Variants in LILRB4 observed in about 807,000 individuals in gnomAD.
The protein encoded by LILRB4 is leukocyte immunoglobulin like receptor B4.
LILRB4 carries 49 observed loss-of-function variants against 55.2 expected under a neutral mutation model. The ratio of observed to expected loss-of-function variants is 0.89; its 90% CI spans 0.71 to 1.13. The LOEUF (loss-of-function observed/expected upper bound fraction) is 1.13, where lower values mean the gene tolerates loss of function less well. Among genes scored for constraint, LILRB4 ranks in the 50% most tolerant of loss-of-function variants. The pLI is 0.00. For missense variants in LILRB4, 590 were observed against 555.2 expected (o/e 1.06, Z -0.63); for synonymous variants, 229 against 213.8 (o/e 1.07, Z -0.62).
rs563821571 is a variant in LILRB4, at chr19:54,665,283, C to T, written c.757+103C>T. 8.6e-5 allele frequency: 119 copies of T among 1,377,278 alleles called. No homozygotes were observed. The highest frequency in any genetic ancestry group is 1.1e-4 in the Non-Finnish European group (109 of 1,012,746). The allele number at this position is 1,377,278 out of a possible 1,614,324, so 85.3% of individuals were successfully genotyped here. A position where few individuals can be genotyped will look rare whatever the true frequency, so the allele number is the denominator to read the frequency against. The stretch of plus-strand genomic sequence containing the variant: ...CTCTGGAGGTGGTGATGTGGACAGG[C>T]CCCTCCCCTGCATGGGCCTCAGTTT... On this transcript the variant is annotated intron_variant, in intron 6 of 11. Coordinates refer to ENST00000430952, the Ensembl canonical transcript of LILRB4. The surrounding 1 kb of genome is among the most constrained non-coding windows in gnomAD (Gnocchi z 5.5).
In LILRB4 at chr19:54,666,189, G is replaced by T. The variant is rs775374465; in HGVS notation, c.875-51G>T. On this transcript the variant is annotated intron_variant, in intron 7 of 11. Coordinates refer to ENST00000430952, the Ensembl canonical transcript of LILRB4. The surrounding 1 kb of genome is among the most constrained non-coding windows in gnomAD (Gnocchi z 4.8). ...TTTCCTCTTGACTTGCATGTGCAAG[G>T]CAGGTGGTTCTAACGTTCCCAGAGC... is the stretch of plus-strand genomic sequence containing the variant. 6.7e-6 allele frequency: 10 copies of T among 1,494,254 alleles called. No individual in the cohort carries two copies. Among genetic ancestry groups the T allele is most frequent in the South Asian group, 3.9e-5 (3 of 76,982 alleles). 92.6% of individuals were successfully genotyped at this position (1,494,254 alleles called of 1,614,324 possible).
At position 54,664,427 on chromosome 19, in the gene LILRB4, C is replaced by T. The variant is rs758110982; in HGVS notation, c.597C>T (p.His199=). The T allele has an allele frequency of 2.4e-5, 39 of 1,613,502 alleles. 1 individual carries two copies. The highest frequency in any genetic ancestry group is 2.2e-4 in the Admixed American group (13 of 59,980). Residue 199 remains histidine (H), a synonymous_variant, in exon 4 of 12, where the codon CAC becomes CAT. Transcript: ENST00000430952. The stretch of plus-strand genomic sequence containing the variant: ...GGACCTACAGGTGCTTCAGCTCACA[C>T]GGCTTCTCCCACTACCTGCTGTCAC...
chr19:54,665,673 A>T lies in LILRB4; in HGVS notation c.758-142A>T. The T allele has an allele frequency of 2.9e-6, 3 of 1,029,328 alleles. No individual in the cohort carries two copies. The highest frequency in any genetic ancestry group is 4.5e-6 in the Non-Finnish European group (3 of 673,922). 63.8% of individuals were successfully genotyped at this position (1,029,328 alleles called of 1,614,324 possible). A position where few individuals can be genotyped will look rare whatever the true frequency, so the allele number is the denominator to read the frequency against. ...TTGTGCATCTGTGAAATGGGTGGAG[A>T]GAGGGTGGCAATCTCAGGTTGCACA... On this transcript the variant is annotated intron_variant, in intron 6 of 11. Coordinates refer to ENST00000430952, the Ensembl canonical transcript of LILRB4. This position sits in a 1 kb window ranked among gnomAD's most constrained non-coding sequence, Gnocchi z 5.5.
chr19:54,668,025 G>T, exon 12 of LILRB4: 1 of 1,613,980 alleles, frequency 6.2e-7, no homozygotes, highest in Non-Finnish European at 8.5e-7. Flanking sequence ...ACTAATCCAG[G>T]GGGGACCCAG....
Position 54,664,043 on chromosome 19 carries a change from G to C in LILRB4, c.355+5G>C. On this transcript the variant is annotated splice_donor_5th_base_variant and intron_variant, in intron 3 of 11. Transcript: ENST00000430952. ...CCCTGGAGCTGGTGATGACAGGTGAGAGGACACTCAGGGGTCCCAGCCCCA... is the reference window on the plus strand; with the variant it reads ...CCCTGGAGCTGGTGATGACAGGTGACAGGACACTCAGGGGTCCCAGCCCCA... 4 of 1,613,622 alleles carry C rather than the reference G, an allele frequency of 2.5e-6. No individual in the cohort carries two copies. The highest frequency in any genetic ancestry group is 1.7e-4 in the Middle Eastern group (1 of 6,054).
At chr19:54,664,277 A>G (rs1343075908) in exon 4 of LILRB4, 8 of 1,613,980 alleles carry the variant, frequency 5.0e-6, no homozygotes, top group Non-Finnish European at 6.8e-6. Context: ...CACGGAGCCC[A>G]ATGGACACTT....
Position 54,665,810 on chromosome 19 carries a change from C to T in LILRB4, c.758-5C>T, listed in dbSNP as rs2065236763. On this transcript the variant is annotated splice_polypyrimidine_tract_variant and splice_region_variant and intron_variant, in intron 6 of 11. Transcript: ENST00000430952. The surrounding 1 kb of genome is among the most constrained non-coding windows in gnomAD (Gnocchi z 5.5). ...ATCCCCATTCCTGATGTCATCACGC[C>T]CAAGGTCTGAGAAGGCACTGGGAGG... 3.1e-6 allele frequency: 5 copies of T among 1,598,974 alleles called. No homozygotes were observed. The South Asian group carries it at 5.6e-5, about 18-fold the overall frequency.
chr19:54,663,912 C>T (rs774884708), exon 3 of LILRB4: 1 of 1,614,012 alleles, frequency 6.2e-7, no homozygotes, highest in South Asian at 1.1e-5. Context: ...CCCACTGGAG[C>T]CCAAGAACAA....
chr19:54,663,030 C>A lies in LILRB4; in HGVS notation c.-4C>A, dbSNP rs771441520. The A allele has an allele frequency of 8.1e-6, 13 of 1,613,940 alleles. No homozygotes were observed. The East Asian group carries it at 2.7e-4, about 33-fold the overall frequency. ...CACAGCTGGGGCCCCTGGGAGGAGACGCCATGATCCCCACCTTCACGGCTC... is the reference window on the plus strand; with the variant it reads ...CACAGCTGGGGCCCCTGGGAGGAGAAGCCATGATCCCCACCTTCACGGCTC... On this transcript the variant is annotated 5_prime_UTR_variant, in exon 1 of 12. Transcript: ENST00000430952.
chr19:54,663,030 C>T lies in LILRB4; in HGVS notation c.-4C>T, dbSNP rs771441520. On this transcript the variant is annotated 5_prime_UTR_variant, in exon 1 of 12. In the 5' UTR this introduces an upstream ATG that the reference lacks. Coordinates refer to ENST00000430952, the Ensembl canonical transcript of LILRB4. ...CACAGCTGGGGCCCCTGGGAGGAGA[C>T]GCCATGATCCCCACCTTCACGGCTC... The T allele has an allele frequency of 8.1e-6, 13 of 1,613,822 alleles. No homozygotes were observed. Among genetic ancestry groups the T allele is most frequent in the East Asian group, 2.2e-5 (1 of 44,862 alleles).
rs149121815 is a variant in LILRB4 at position 54,665,908 on chromosome 19, G to A, written c.851G>A (p.Arg284His). 1.1e-3 allele frequency: 1,840 copies of A among 1,613,782 alleles called. 2 individuals carry two copies. The highest frequency in any genetic ancestry group is 1.3e-3 in the Non-Finnish European group (1,582 of 1,179,936). Residue 284 changes from arginine (R) to histidine (H), a missense_variant, in exon 7 of 12, where the codon CGT (arginine) becomes CAT (histidine). By Grantham distance (29) the Arg-to-His change is conservative. Transcript: ENST00000430952. The surrounding 1 kb of genome is among the most constrained non-coding windows in gnomAD (Gnocchi z 5.5). ...CTCTTCCTCCTCCTCCAACACTGGC[G>A]TCAGGGAAAACACAGGACATTGGGT...
chr19:54,666,936 C>A lies in LILRB4; in HGVS notation c.1041+187C>A. On this transcript the variant is annotated intron_variant, in intron 10 of 11. Coordinates refer to ENST00000430952, the Ensembl canonical transcript of LILRB4. This position sits in a 1 kb window ranked among gnomAD's most constrained non-coding sequence, Gnocchi z 4.8. ...GCTGTCCTGGGACCTCATGGGCCTC[C>A]TCCCGGGTCCCCTTCCTGCTCCTCA... The A allele has an allele frequency of 2.7e-6, 2 of 747,816 alleles. No individual in the cohort carries two copies. Among genetic ancestry groups the A allele is most frequent in the East Asian group, 2.6e-5 (1 of 38,538 alleles). The allele number at this position is 747,816 out of a possible 1,614,324, so 46.3% of individuals were successfully genotyped here. A position where few individuals can be genotyped will look rare whatever the true frequency, so the allele number is the denominator to read the frequency against.
At position 54,665,134 on chromosome 19, in the gene LILRB4, C is replaced by T. The variant is rs767645051; in HGVS notation, c.711C>T (p.Gly237=). The T allele has an allele frequency of 2.5e-5, 41 of 1,608,262 alleles. No homozygotes were observed. In the East Asian group the frequency reaches 6.5e-4, roughly 26 times the overall value. Residue 237 remains glycine, a synonymous_variant, in exon 6 of 12, where the codon GGC becomes GGT. Coordinates refer to ENST00000430952, the Ensembl canonical transcript of LILRB4. The surrounding 1 kb of genome is among the most constrained non-coding windows in gnomAD (Gnocchi z 5.5). ...CACATCCCTGTTCTAACCCAGCAGG[C>T]CCTGAGGACCAGCCCCTCATGCCTA... is the stretch of plus-strand genomic sequence containing the variant.
In LILRB4 at chr19:54,666,185, C is replaced by T; in HGVS notation, c.875-55C>T. 1 of 1,490,742 alleles carries T rather than the reference C, an allele frequency of 6.7e-7. No individual in the cohort carries two copies. Among genetic ancestry groups the T allele is most frequent in the Middle Eastern group, 1.8e-4 (1 of 5,588 alleles). 92.3% of individuals were successfully genotyped at this position (1,490,742 alleles called of 1,614,324 possible). On this transcript the variant is annotated intron_variant, in intron 7 of 11. Transcript: ENST00000430952. The surrounding 1 kb of genome is among the most constrained non-coding windows in gnomAD (Gnocchi z 4.8). ...TTCCTTTCCTCTTGACTTGCATGTGCAAGGCAGGTGGTTCTAACGTTCCCA... is the reference window on the plus strand; with the variant it reads ...TTCCTTTCCTCTTGACTTGCATGTGTAAGGCAGGTGGTTCTAACGTTCCCA...
intron 11 of LILRB4, 30 bp downstream of exon 11, chr19:54,667,823 C>T (rs563854434): frequency 1.3e-6 from 2 of 1,594,600 alleles, no homozygotes; most frequent in East Asian, 2.3e-5. Flanking sequence ...GGCCCCCAGG[C>T]CTCCCCCACC....
At position 54,665,407 on chromosome 19, in the gene LILRB4, TCCC is replaced by T. The variant is rs1049522214; in HGVS notation, c.757+228_757+230del. ...GGGAGAGGAGGCCTCCCAGGGAACCTCCCAGACCCGATTCCGCAGGGGCCTGTC... is the reference window on the plus strand; with the variant it reads ...GGGAGAGGAGGCCTCCCAGGGAACCTAGACCCGATTCCGCAGGGGCCTGTC... On this transcript the variant is annotated intron_variant, in intron 6 of 11. Coordinates refer to ENST00000430952, the Ensembl canonical transcript of LILRB4. The surrounding 1 kb of genome is among the most constrained non-coding windows in gnomAD (Gnocchi z 5.5). Among the ~76,000 whole-genome samples, 8 of 151,762 alleles carry T rather than the reference TCCC, an allele frequency of 5.3e-5. No individual in the cohort carries two copies. Among genetic ancestry groups the T allele is most frequent in the Middle Eastern group, 6.8e-3 (2 of 292 alleles).
At chr19:54,664,156 C>G in intron 3 of LILRB4, 30 bp from the exon 4 acceptor site, 1 of 1,600,098 alleles carries the variant, frequency 6.2e-7, no homozygotes, top group South Asian at 1.1e-5. Context: ...GTGGGAGCCC[C>G]ATTTAACACG....
exon 12 of LILRB4, chr19:54,668,304 A>G (rs2065388808): frequency 2.6e-6 from 1 of 379,064 alleles, no homozygotes; most frequent in Non-Finnish European, 4.7e-6. Flanking sequence ...AATATTACAC[A>G]TCAAACCAAT....
rs2065208228 is a variant in LILRB4, at chr19:54,665,144, C to G, written c.721C>G (p.Gln241Glu). 1 of 1,607,616 alleles carries G rather than the reference C, an allele frequency of 6.2e-7. No individual in the cohort carries two copies. The highest frequency in any genetic ancestry group is 1.3e-5 in the African/African-American group (1 of 74,738). ...TTCTAACCCAGCAGGCCCTGAGGACCAGCCCCTCATGCCTACAGGGTCAGT... is the reference window on the plus strand; with the variant it reads ...TTCTAACCCAGCAGGCCCTGAGGACGAGCCCCTCATGCCTACAGGGTCAGT... The change falls in exon 6 of 12, where the codon CAG becomes GAG. Residue 241 changes from glutamine (Q) to glutamate (E), a missense_variant. Coordinates refer to ENST00000430952, the Ensembl canonical transcript of LILRB4. This position sits in a 1 kb window ranked among gnomAD's most constrained non-coding sequence, Gnocchi z 5.5.
Sources: gnomAD v4.1 joint callset for allele counts (sites outside exome capture counted in the v4.1 genomes callset) on GRCh38, gnomAD v4.1.1 for gene constraint, Gnocchi (gnomAD v3.1) non-coding constraint, MANE v1.5 for transcripts, NCBI Gene and HGNC (gene_info 2026-07-23, HGNC 2026-07-21) for gene names.